KDM4D: variants seen among roughly 807,000 people sequenced by gnomAD.
The protein encoded by KDM4D is lysine demethylase 4D.
For missense variants in KDM4D, 427 were observed against 674.8 expected (o/e 0.63, Z 4.07); for synonymous variants, 254 against 249.1 (o/e 1.02, Z -0.19).
chr11:94,993,114 T>G (rs1857949004), intron 2 of KDM4D, among the ~76,000 whole-genome samples: 1 of 152,070 alleles, frequency 6.6e-6, no homozygotes, highest in Non-Finnish European at 1.5e-5. Flanking sequence ...CTTGCCCAGT[T>G]TAACACCCCC....
At chr11:94,979,096 A>T (rs1427999497) in intron 2 of KDM4D, among the ~76,000 whole-genome samples, 1 of 152,230 alleles carries the variant, frequency 6.6e-6, no homozygotes, top group Non-Finnish European at 1.5e-5. Flanking sequence ...TTCTATGTGC[A>T]TGTAAAAAGT....
In KDM4D at chr11:94,997,269, T is replaced by C; in HGVS notation, c.-104T>C. 1 of 809,714 alleles carries C rather than the reference T, an allele frequency of 1.2e-6. No individual in the cohort carries two copies. Among genetic ancestry groups the C allele is most frequent in the East Asian group, 2.6e-5 (1 of 37,802 alleles). 50.2% of individuals were successfully genotyped at this position (809,714 alleles called of 1,614,324 possible). On this transcript the variant is annotated 5_prime_UTR_variant, in exon 3 of 3. Transcript: ENST00000335080. ...AAAAAAGTACGCTGGTAGATCCTGC[T>C]ACCTCATAGATAACACCAGTCAAAT...
chr11:94,985,632 T>TG (rs1857878957), intron 2 of KDM4D, among the ~76,000 whole-genome samples: 1 of 152,068 alleles, frequency 6.6e-6, no homozygotes, highest in East Asian at 1.9e-4. Flanking sequence ...AAAACAATCT[T>TG]GAAAAAAAAG....
At chr11:94,988,133 CAAGG>C (rs1391230895) in intron 2 of KDM4D, among the ~76,000 whole-genome samples, 1 of 152,028 alleles carries the variant, frequency 6.6e-6, no homozygotes, top group African/African-American at 2.4e-5. Context: ...TCTTAGAAAA[CAAGG>C]AACAGAAGAA....
At chr11:94,993,126 AACAC>A (rs146029142) in intron 2 of KDM4D, among the ~76,000 whole-genome samples, 3 of 151,866 alleles carry the variant, frequency 2.0e-5, no homozygotes, top group African/African-American at 4.8e-5. Flanking sequence ...AACACCCCCC[AACAC>A]ACACACACAG....
chr11:94,983,511 G>T (rs1857859386), intron 2 of KDM4D, among the ~76,000 whole-genome samples: 1 of 151,970 alleles, frequency 6.6e-6, no homozygotes, highest in Non-Finnish European at 1.5e-5. Context: ...AAATGGAGGT[G>T]GTGTGCTGAG....
At chr11:94,984,649 AG>A (rs1555097936) in intron 2 of KDM4D, among the ~76,000 whole-genome samples, 1 of 149,472 alleles carries the variant, frequency 6.7e-6, no homozygotes, top group Non-Finnish European at 1.5e-5. Flanking sequence ...TGAGGTCAGG[AG>A]TTCGAGACCA....
At chr11:94,992,221 AT>A (rs1857940872) in intron 2 of KDM4D, among the ~76,000 whole-genome samples, 1 of 152,050 alleles carries the variant, frequency 6.6e-6, no homozygotes, top group African/African-American at 2.4e-5. Flanking sequence ...AGTCAAAAAC[AT>A]TTTTGTTAAA....
chr11:94,977,518 C>A (rs1431427345), intron 2 of KDM4D, among the ~76,000 whole-genome samples: 1 of 152,126 alleles, frequency 6.6e-6, no homozygotes, highest in Non-Finnish European at 1.5e-5. Flanking sequence ...GCTATTCTTT[C>A]CTGTCTTACT....
Position 94,998,304 on chromosome 11 carries a change from G to C in KDM4D, c.932G>C (p.Ser311Thr). The C allele has an allele frequency of 6.2e-7, 1 of 1,614,208 alleles. No individual in the cohort carries two copies. Among genetic ancestry groups the C allele is most frequent in the Non-Finnish European group, 8.5e-7 (1 of 1,180,036 alleles). Residue 311 changes from serine (S) to threonine (T), a missense_variant, in exon 3 of 3, where the codon AGC becomes ACC. Transcript: ENST00000335080. This position sits in a 1 kb window ranked among gnomAD's most constrained non-coding sequence, Gnocchi z 6.7. ...TATGGCAAAATGGCCTCCCAGTGTA[G>C]CTGTGGGGAGGCAAGGGTGACCTTT... ...IDYGKMASQC[S>T]CGEARVTFSM...
At chr11:94,979,674 TA>T (rs1291625833) in intron 2 of KDM4D, among the ~76,000 whole-genome samples, 17 of 152,380 alleles carry the variant, frequency 1.1e-4, no homozygotes, top group Non-Finnish European at 2.4e-4. Flanking sequence ...GTAGCTCTGA[TA>T]TACTATTTAG....
rs1452980079 is a variant in KDM4D at position 94,998,026 on chromosome 11, A to G, written c.654A>G (p.Glu218=). The change falls in exon 3 of 3, where the codon GAA becomes GAG. Residue 218 remains glutamate, a synonymous_variant. Transcript: ENST00000335080. The surrounding 1 kb of genome is among the most constrained non-coding windows in gnomAD (Gnocchi z 6.7). ...EPKTWYVVPP[E]HGQRLERLAR... is the part of the protein sequence containing the mutation. Reference sequence around the variant, plus strand: ...AAACTTGGTATGTGGTGCCCCCAGAACATGGCCAGCGCCTGGAACGCCTGG... The same window carrying G: ...AAACTTGGTATGTGGTGCCCCCAGAGCATGGCCAGCGCCTGGAACGCCTGG... 4 of 1,614,126 alleles carry G rather than the reference A, an allele frequency of 2.5e-6. No individual in the cohort carries two copies. The African/African-American group carries it at 4.0e-5, about 16-fold the overall frequency.
chr11:94,979,799 G>T (rs1271521619), intron 2 of KDM4D, among the ~76,000 whole-genome samples: 1 of 152,122 alleles, frequency 6.6e-6, no homozygotes, highest in Non-Finnish European at 1.5e-5. Context: ...ATGTGCAAAG[G>T]TGCATGTGTG....
Position 94,998,503 on chromosome 11 carries a change from C to G in KDM4D, c.1131C>G (p.Leu377=). The change falls in exon 3 of 3, where the codon CTC becomes CTG. Residue 377 remains leucine (L), a synonymous_variant. Transcript: ENST00000335080. This position sits in a 1 kb window ranked among gnomAD's most constrained non-coding sequence, Gnocchi z 6.7. ...GAGCAGCGCTGGGCCTGAGACAACT[C>G]CCTTCCCACTGGGCCCGGCATTCCC... ...PRRAALGLRQ[L]PSHWARHSPW... is the part of the protein sequence containing the mutation. 6.2e-7 allele frequency: 1 copy of G among 1,612,348 alleles called. No individual in the cohort carries two copies. Among genetic ancestry groups the G allele is most frequent in the African/African-American group, 1.3e-5 (1 of 75,052 alleles).
chr11:94,982,968 T>C (rs192642548), intron 2 of KDM4D, among the ~76,000 whole-genome samples: 14 of 152,064 alleles, frequency 9.2e-5, no homozygotes, highest in Admixed American at 2.0e-4. Context: ...CAATTTAAAT[T>C]AACAGTATTT....
At chr11:94,987,207 G>C (rs1857895142) in intron 2 of KDM4D, among the ~76,000 whole-genome samples, 1 of 152,278 alleles carries the variant, frequency 6.6e-6, no homozygotes, top group East Asian at 1.9e-4. Context: ...TGAAGTGATA[G>C]AAGTATTCTA....
intron 2 of KDM4D, among the ~76,000 whole-genome samples, chr11:94,995,726 C>T (rs1857970407): frequency 2.0e-5 from 3 of 152,166 alleles, no homozygotes; most frequent in African/African-American, 7.2e-5. Context: ...CCTAACAGGA[C>T]TATTTGACTA....
intron 2 of KDM4D, among the ~76,000 whole-genome samples, chr11:94,980,161 A>G (rs898768434): frequency 5.9e-5 from 9 of 152,272 alleles, no homozygotes; most frequent in Admixed American, 1.3e-4. Flanking sequence ...GAGTGGTTCA[A>G]TTATCATTCT....
intron 2 of KDM4D, among the ~76,000 whole-genome samples, chr11:94,990,039 G>A (rs781889362): frequency 3.9e-5 from 6 of 152,138 alleles, no homozygotes; most frequent in Non-Finnish European, 8.8e-5. Context: ...GATTACAGGC[G>A]TGAGCCACCA....
Sources: gnomAD v4.1 joint callset for allele counts (sites outside exome capture counted in the v4.1 genomes callset) on GRCh38, gnomAD v4.1.1 for gene constraint, Gnocchi (gnomAD v3.1) non-coding constraint, MANE v1.5 for transcripts, NCBI Gene and HGNC (gene_info 2026-07-23, HGNC 2026-07-21) for gene names.